The following PALM2AKAP2 variants were observed in gnomAD, a reference collection of about 807,000 sequenced individuals.
PALM2AKAP2 encodes PALM2-AKAP2 fusion protein.
PALM2AKAP2 carries 37 observed loss-of-function variants against 71.5 expected under a neutral mutation model. That is an observed-to-expected ratio of 0.52 (90% CI 0.40 to 0.68). PALM2AKAP2 has a LOEUF of 0.68. Among genes scored for constraint, PALM2AKAP2 ranks in the 30% least tolerant of loss-of-function variants. The pLI is 0.00. For synonymous variants in PALM2AKAP2, 468 were observed against 478.8 expected, an observed-to-expected ratio of 0.98 and a Z score of 0.29; for missense variants, 1,224 against 1,191.8, an observed-to-expected ratio of 1.03 and a Z score of -0.40.
chr9:109,781,525 A>C (rs1826795918), intron 1 of PALM2AKAP2, among the ~76,000 whole-genome samples: 1 of 152,250 alleles, frequency 6.6e-6, no homozygotes, highest in Admixed American at 6.5e-5. Flanking sequence ...TTGGAGAAAT[A>C]GTGTGTAATG....
At chr9:110,016,355 G>A (rs1015758389) in intron 7 of PALM2AKAP2, among the ~76,000 whole-genome samples, 10 of 152,158 alleles carry the variant, frequency 6.6e-5, no homozygotes, top group African/African-American at 1.4e-4. Context: ...ATATCTACAC[G>A]TAAGCTATTT....
intron 3 of PALM2AKAP2, among the ~76,000 whole-genome samples, chr9:109,888,406 G>A (rs1324560723): frequency 6.6e-6 from 1 of 152,150 alleles, no homozygotes; most frequent in Non-Finnish European, 1.5e-5. Flanking sequence ...ACAGCAGGTT[G>A]TCAGTAAGAA....
chr9:109,883,957 A>G (rs995878833), intron 3 of PALM2AKAP2, among the ~76,000 whole-genome samples: 1 of 152,234 alleles, frequency 6.6e-6, no homozygotes, highest in African/African-American at 2.4e-5. Context: ...GACTGCCCAC[A>G]AGCCATCTGC....
chr9:109,678,400 AT>A (rs1176814881), intron 1 of PALM2AKAP2, among the ~76,000 whole-genome samples: 1 of 152,014 alleles, frequency 6.6e-6, no homozygotes, highest in African/African-American at 2.4e-5. Flanking sequence ...CTTAATTTTC[AT>A]TTTCTTTAAA....
intron 1 of PALM2AKAP2, among the ~76,000 whole-genome samples, chr9:109,843,301 CAAAAAA>C (rs35634219): frequency 1.0e-4 from 7 of 66,960 alleles, no homozygotes; most frequent in East Asian, 4.7e-4. Context: ...GCCCCTGTCT[CAAAAAA>C]AAAAAAAAAA....
intron 1 of PALM2AKAP2, among the ~76,000 whole-genome samples, chr9:109,694,390 T>C (rs1827938503): frequency 6.6e-6 from 1 of 152,060 alleles, no homozygotes; most frequent in Non-Finnish European, 1.5e-5. Flanking sequence ...ACTTCATTTG[T>C]CAAAATTTAT....
intron 1 of PALM2AKAP2, among the ~76,000 whole-genome samples, chr9:110,112,269 A>C (rs1835269273): frequency 6.6e-6 from 1 of 151,632 alleles, no homozygotes. Flanking sequence ...GGAAGAGCAA[A>C]AAGGATGTCA....
At chr9:110,122,486 G>C (rs1025579456) in intron 1 of PALM2AKAP2, among the ~76,000 whole-genome samples, 21 of 152,284 alleles carry the variant, frequency 1.4e-4, no homozygotes, top group Admixed American at 2.6e-4. Context: ...ATGACCCTAG[G>C]GGGTAGGTGG....
chr9:109,993,305 T>C (rs1414932436), intron 6 of PALM2AKAP2, among the ~76,000 whole-genome samples: 3 of 152,196 alleles, frequency 2.0e-5, no homozygotes, highest in African/African-American at 4.8e-5. Flanking sequence ...TTCTGCATAG[T>C]GTTTCCACTA....
intron 1 of PALM2AKAP2, among the ~76,000 whole-genome samples, chr9:109,669,435 G>A (rs756179557): frequency 1.3e-5 from 2 of 151,736 alleles, no homozygotes; most frequent in Admixed American, 6.6e-5. Flanking sequence ...TCAAATTTTG[G>A]TTCAGAGTTA....
chr9:109,938,278 A>G (rs1040004955), intron 6 of PALM2AKAP2, among the ~76,000 whole-genome samples: 4 of 152,222 alleles, frequency 2.6e-5, no homozygotes, highest in Admixed American at 6.5e-5. Flanking sequence ...AAAGGCCTAG[A>G]TAACATTCTC....
At chr9:109,992,640 C>G (rs554780022) in intron 6 of PALM2AKAP2, among the ~76,000 whole-genome samples, 1 of 152,048 alleles carries the variant, frequency 6.6e-6, no homozygotes, top group African/African-American at 2.4e-5. Flanking sequence ...TAACAGGCTG[C>G]CTTTATGAAA....
chr9:109,658,758 G>A (rs145204130), intron 1 of PALM2AKAP2, among the ~76,000 whole-genome samples: 5 of 152,204 alleles, frequency 3.3e-5, no homozygotes, highest in Admixed American at 6.5e-5. Flanking sequence ...CCATCAGTTC[G>A]TGTGAGACTT....
chr9:109,844,793 A>C (rs908568383), intron 1 of PALM2AKAP2, among the ~76,000 whole-genome samples: 1 of 152,196 alleles, frequency 6.6e-6, no homozygotes, highest in South Asian at 2.1e-4. Context: ...TGGGACTTAC[A>C]TGGATGTCAG....
Position 110,136,159 on chromosome 9 carries a change from G to GC in PALM2AKAP2, c.190dup (p.Leu64ProfsTer9). 1.3e-6 allele frequency: 2 copies of GC among 1,598,758 alleles called. No individual in the cohort carries two copies. Among genetic ancestry groups the GC allele is most frequent in the Non-Finnish European group, 8.5e-7 (1 of 1,173,816 alleles). ...CCCAGCTTTCTGAGGATGATATCTG[G>GC]CTAAAAAGCGAGGGAGACAACTATA... On this transcript the variant is annotated frameshift_variant, in exon 2 of 4. Transcript: ENST00000374525. LOFTEE classifies it high-confidence loss of function.
intron 1 of PALM2AKAP2, among the ~76,000 whole-genome samples, chr9:109,865,296 G>A (rs1829421385): frequency 6.6e-6 from 1 of 151,604 alleles, no homozygotes; most frequent in Admixed American, 6.6e-5. Flanking sequence ...ATGGGGTTTC[G>A]CCATGTTGGC....
At chr9:109,993,008 G>A (rs1832514423) in intron 6 of PALM2AKAP2, among the ~76,000 whole-genome samples, 1 of 150,560 alleles carries the variant, frequency 6.6e-6, no homozygotes, top group Non-Finnish European at 1.5e-5. Flanking sequence ...CCAAGCCTGG[G>A]GACTGCAACC....
chr9:109,801,714 G>GTGTGTGTGTGTGTGTT, intron 1 of PALM2AKAP2, among the ~76,000 whole-genome samples: 1 of 151,684 alleles, frequency 6.6e-6, no homozygotes, highest in South Asian at 2.1e-4. Flanking sequence ...TGATATGTGT[G>GTGTGTGTGTGTGTGTT]TGTGTGTGTG....
chr9:110,057,419 G>C (rs1833870725), intron 1 of PALM2AKAP2, among the ~76,000 whole-genome samples: 1 of 137,274 alleles, frequency 7.3e-6, no homozygotes, highest in East Asian at 2.2e-4. Context: ...GACTCGCTCT[G>C]CCATGCTGGA....
Sources: gnomAD v4.1 joint callset for allele counts (sites outside exome capture counted in the v4.1 genomes callset) on GRCh38, gnomAD v4.1.1 for gene constraint, MANE v1.5 for transcripts, NCBI Gene and HGNC (gene_info 2026-07-23, HGNC 2026-07-21) for gene names.